CCDC122: variants seen among roughly 807,000 people sequenced by gnomAD.
CCDC122 encodes the protein coiled-coil domain-containing protein 122.
A neutral mutation model predicts 37.0 loss-of-function variants in CCDC122; 38 were observed. The ratio of observed to expected loss-of-function variants is 1.03; its 90% CI spans 0.79 to 1.35. The LOEUF (loss-of-function observed/expected upper bound fraction) is 1.35, where lower values mean the gene tolerates loss of function less well. Ranked by LOEUF, CCDC122 falls within the 40% of genes most tolerant of loss-of-function variation. CCDC122 has a pLI of 0.00. For synonymous variants in CCDC122, 83 were observed against 95.6 expected (o/e 0.87, Z 0.77); for missense variants, 305 against 310.0 (o/e 0.98, Z 0.12).
intron 4 of CCDC122, among the ~76,000 whole-genome samples, chr13:43,864,747 G>A (rs529366799): frequency 6.6e-6 from 1 of 152,048 alleles, no homozygotes; most frequent in Non-Finnish European, 1.5e-5. Context: ...CCAAACCATA[G>A]GACCTTGGGA....
At chr13:43,870,479 T>C (rs1023118685) in intron 2 of CCDC122, among the ~76,000 whole-genome samples, 2 of 152,124 alleles carry the variant, frequency 1.3e-5, no homozygotes, top group African/African-American at 4.8e-5. Context: ...CCTTGAAAAA[T>C]GCATGCCCTC....
chr13:43,862,392 GTAT>G (rs1954135398), intron 4 of CCDC122, among the ~76,000 whole-genome samples: 1 of 151,988 alleles, frequency 6.6e-6, no homozygotes, highest in South Asian at 2.1e-4. Flanking sequence ...TCACAATTCA[GTAT>G]TATTATTATG....
At chr13:43,823,088 C>T (rs920589017), downstream of CCDC122, among the ~76,000 whole-genome samples, 1 of 152,134 alleles carries the variant, frequency 6.6e-6, no homozygotes, top group African/African-American at 2.4e-5. Flanking sequence ...GAGCCCAAGG[C>T]CCATGGTGTA....
At chr13:43,844,678 T>C (rs1308561710) in intron 6 of CCDC122, among the ~76,000 whole-genome samples, 2 of 152,124 alleles carry the variant, frequency 1.3e-5, no homozygotes, top group Non-Finnish European at 2.9e-5. Context: ...ATTATGTAAA[T>C]GTACATGTAG....
intron 6 of CCDC122, among the ~76,000 whole-genome samples, chr13:43,845,906 G>C (rs1397467279): frequency 6.6e-6 from 1 of 151,766 alleles, no homozygotes; most frequent in Admixed American, 6.6e-5. Flanking sequence ...ATCATTATAC[G>C]CTTCTTTTAA....
chr13:43,866,387 T>C (rs1261625653), intron 4 of CCDC122, among the ~76,000 whole-genome samples: 1 of 152,178 alleles, frequency 6.6e-6, no homozygotes, highest in African/African-American at 2.4e-5. Flanking sequence ...TCCAACACTT[T>C]TCTTCTTCAA....
At chr13:43,869,523 G>A (rs879694141) in intron 2 of CCDC122, 34 bp from the exon 3 acceptor site, 2 of 592,728 alleles carry the variant, frequency 3.4e-6, no homozygotes, top group Admixed American at 3.8e-5. Flanking sequence ...ACATGTCACA[G>A]GGATGTCAAT....
At chr13:43,845,116 C>T (rs1033911186) in intron 6 of CCDC122, among the ~76,000 whole-genome samples, 14 of 152,018 alleles carry the variant, frequency 9.2e-5, no homozygotes, top group African/African-American at 3.1e-4. Flanking sequence ...CTTTGTCTTT[C>T]TAGCTATGCT....
At chr13:43,836,168 C>CT (rs1436359660), downstream of CCDC122, among the ~76,000 whole-genome samples, 1 of 152,048 alleles carries the variant, frequency 6.6e-6, no homozygotes, top group African/African-American at 2.4e-5. Flanking sequence ...GTTTTTGTTT[C>CT]TAAGTATTTG....
chr13:43,874,350 C>T (rs1217617884), intron 2 of CCDC122, among the ~76,000 whole-genome samples: 2 of 152,070 alleles, frequency 1.3e-5, no homozygotes, highest in African/African-American at 4.8e-5. Context: ...AATGAATAAT[C>T]AACATATTTT....
intron 6 of CCDC122, among the ~76,000 whole-genome samples, chr13:43,844,454 A>C (rs867573713): frequency 6.6e-6 from 1 of 152,022 alleles, no homozygotes; most frequent in African/African-American, 2.4e-5. Flanking sequence ...ATGTACACTT[A>C]AAGTGTAATC....
chr13:43,879,228 T>TTCCCGCCGC (rs1377639191), intron 1 of CCDC122: 2 of 152,492 alleles, frequency 1.3e-5, no homozygotes, highest in African/African-American at 4.8e-5. Context: ...GTGCCCGCCG[T>TTCCCGCCGC]TCCCGCCGCC....
intron 1 of CCDC122, among the ~76,000 whole-genome samples, chr13:43,876,615 T>C (rs1954619502): frequency 6.6e-6 from 1 of 152,226 alleles, no homozygotes; most frequent in Admixed American, 6.5e-5. Flanking sequence ...ATCTGCCTAT[T>C]TCTGCTCCTA....
intron 1 of CCDC122, among the ~76,000 whole-genome samples, chr13:43,878,520 T>C (rs1238735329): frequency 1.3e-5 from 2 of 152,162 alleles, no homozygotes; most frequent in East Asian, 1.9e-4. Context: ...TCTGAGATTA[T>C]GAGACAAAGG....
chr13:43,850,674 G>A (rs1953696262), intron 6 of CCDC122, among the ~76,000 whole-genome samples: 1 of 152,094 alleles, frequency 6.6e-6, no homozygotes, highest in Non-Finnish European at 1.5e-5. Flanking sequence ...AACTTCAGGG[G>A]CTTATGAAAC....
chr13:43,838,573 A>G (rs1401723740), intron 6 of CCDC122, among the ~76,000 whole-genome samples: 1 of 152,204 alleles, frequency 6.6e-6, no homozygotes, highest in Non-Finnish European at 1.5e-5. Flanking sequence ...ATATTCATAG[A>G]GTTGTACCAA....
chr13:43,872,024 C>T (rs1256547686), intron 2 of CCDC122, among the ~76,000 whole-genome samples: 1 of 151,988 alleles, frequency 6.6e-6, no homozygotes, highest in African/African-American at 2.4e-5. Flanking sequence ...AATCCCTGAA[C>T]GTTCAGTTGC....
intron 6 of CCDC122, among the ~76,000 whole-genome samples, chr13:43,857,485 C>T (rs1953956165): frequency 3.4e-5 from 5 of 146,926 alleles, no homozygotes; most frequent in South Asian, 2.1e-4. Flanking sequence ...TGTGTGTGCA[C>T]GTGTGTATTA....
At chr13:43,827,214 T>C (rs1953048682) in intron 3 of CCDC122, among the ~76,000 whole-genome samples, 1 of 152,200 alleles carries the variant, frequency 6.6e-6, no homozygotes, top group Non-Finnish European at 1.5e-5. Flanking sequence ...AAAAGTATCA[T>C]TACATTTTCC....
Sources: allele counts gnomAD v4.1 joint callset (sites outside exome capture counted in the v4.1 genomes callset), GRCh38; gene constraint gnomAD v4.1.1; transcripts MANE v1.5; gene names NCBI Gene and HGNC (gene_info 2026-07-23, HGNC 2026-07-21).